The following YEATS4 variants were observed in gnomAD, a reference collection of about 807,000 sequenced individuals.
The protein encoded by YEATS4 is YEATS domain-containing protein 4.
Under a neutral mutation model 30.1 loss-of-function variants are expected in YEATS4, and 17 were observed. That is an observed-to-expected ratio of 0.56 (90% CI 0.39 to 0.85). The LOEUF (loss-of-function observed/expected upper bound fraction) is 0.85. Among genes scored for constraint, YEATS4 ranks in the 40% least tolerant of loss-of-function variants. The pLI is 0.00. For missense variants in YEATS4, 142 were observed against 268.3 expected (o/e 0.53, Z 3.29); for synonymous variants, 85 against 87.5 (o/e 0.97, Z 0.16).
intron 6 of YEATS4, among the ~76,000 whole-genome samples, chr12:69,372,500 G>T (rs953234780): frequency 1.4e-5 from 2 of 146,816 alleles, no homozygotes; most frequent in Non-Finnish European, 3.0e-5. Context: ...CTACCCTCTG[G>T]TAACCGTCAT....
chr12:69,365,682 AT>A lies in YEATS4; in HGVS notation c.222del (p.Tyr74Ter). 6.2e-7 allele frequency: 1 copy of A among 1,612,000 alleles called. No homozygotes were observed. Among genetic ancestry groups the A allele is most frequent in the Non-Finnish European group, 8.5e-7 (1 of 1,178,494 alleles). ...ATCCAGTTTAAATTACATGAAAGCT[AT>A]GGCAATCCTTTAAGAGGTACAATAT... ...KKIQFKLHES[Y>X]GNPLRVVTKP... On this transcript the variant is annotated frameshift_variant, in exon 3 of 7. Coordinates refer to ENST00000247843, the MANE Select transcript of YEATS4 (RefSeq NM_006530.4). LOFTEE classifies it high-confidence loss of function.
At chr12:69,398,130 A>G in the YEATS4 span, among the ~76,000 whole-genome samples, 1 of 152,164 alleles carries the variant, frequency 6.6e-6, no homozygotes, top group Non-Finnish European at 1.5e-5. Flanking sequence ...TCCCCATAAG[A>G]TTAGGAAAAA....
At chr12:69,419,667 G>A in the YEATS4 span, among the ~76,000 whole-genome samples, 1 of 152,214 alleles carries the variant, frequency 6.6e-6, no homozygotes, top group Admixed American at 6.5e-5. Flanking sequence ...TTGAAGGAAA[G>A]AAAGTCATGT....
chr12:69,370,988 C>T lies in YEATS4; in HGVS notation c.514+13C>T. 1.9e-6 allele frequency: 3 copies of T among 1,599,144 alleles called. No individual in the cohort carries two copies. The highest frequency in any genetic ancestry group is 2.6e-6 in the Non-Finnish European group (3 of 1,173,550). On this transcript the variant is annotated intron_variant, in intron 6 of 6. Transcript: ENST00000247843. Reference sequence around the variant, plus strand: ...CATGAAACAGAATGTAAGTGCCATGCATTCATAATTCTGAAAAATAACGTA... The same window carrying T: ...CATGAAACAGAATGTAAGTGCCATGTATTCATAATTCTGAAAAATAACGTA...
At chr12:69,378,454 C>T (rs1187019898) in intron 6 of YEATS4, among the ~76,000 whole-genome samples, 1 of 152,036 alleles carries the variant, frequency 6.6e-6, no homozygotes, top group African/African-American at 2.4e-5. Context: ...TTTCTTCTTT[C>T]CTTCCTTCCT....
chr12:69,406,345 T>C, the YEATS4 span, among the ~76,000 whole-genome samples: 9 of 152,198 alleles, frequency 5.9e-5, no homozygotes, highest in Non-Finnish European at 8.8e-5. Flanking sequence ...TTTGTTTTTT[T>C]GAAACAAAGT....
At chr12:69,394,903 A>G (rs1868340096), downstream of YEATS4, among the ~76,000 whole-genome samples, 1 of 152,320 alleles carries the variant, frequency 6.6e-6, no homozygotes, top group Admixed American at 6.5e-5. Context: ...ATCATTTTTT[A>G]TCTGAAATTC....
intron 6 of YEATS4, among the ~76,000 whole-genome samples, chr12:69,376,222 C>G (rs1036027865): frequency 6.6e-6 from 1 of 152,164 alleles, no homozygotes; most frequent in South Asian, 2.1e-4. Context: ...AAAAATTAAC[C>G]GAGCATGGTG....
At chr12:69,381,778 C>G (rs905241686) in intron 6 of YEATS4, among the ~76,000 whole-genome samples, 1 of 152,214 alleles carries the variant, frequency 6.6e-6, no homozygotes. Context: ...CGCAACATCT[C>G]TCCCTTTCTT....
At chr12:69,406,421 T>C in the YEATS4 span, among the ~76,000 whole-genome samples, 47 of 152,172 alleles carry the variant, frequency 3.1e-4, no homozygotes, top group Non-Finnish European at 5.9e-4. Context: ...TCCACCCCCT[T>C]GGTTCAAGTG....
intron 6 of YEATS4, among the ~76,000 whole-genome samples, chr12:69,374,689 G>C (rs1875775045): frequency 6.6e-6 from 1 of 151,064 alleles, no homozygotes; most frequent in Admixed American, 6.6e-5. Flanking sequence ...GAGAGCACGG[G>C]GTTGGGGGTA....
chr12:69,371,031 G>T (rs1875618118), intron 6 of YEATS4, 56 bp downstream of exon 6: 3 of 1,533,784 alleles, frequency 2.0e-6, no homozygotes, highest in African/African-American at 2.8e-5. Context: ...ATAGTGAAAG[G>T]GTTGTATGAT....
At chr12:69,397,918 G>C in the YEATS4 span, among the ~76,000 whole-genome samples, 3 of 152,070 alleles carry the variant, frequency 2.0e-5, no homozygotes, top group Non-Finnish European at 4.4e-5. Flanking sequence ...AGTTTGTTAT[G>C]GCAGCCTTAA....
chr12:69,388,064 T>TTTTTTTA (rs1868273230), intron 6 of YEATS4, among the ~76,000 whole-genome samples: 2 of 14,684 alleles, frequency 1.4e-4, no homozygotes, highest in Non-Finnish European at 3.1e-4. Flanking sequence ...TTTATTTTTA[T>TTTTTTTA]TTTTTTTTTT....
At chr12:69,413,573 T>C in the YEATS4 span, among the ~76,000 whole-genome samples, 6,234 of 130,574 alleles carry the variant, frequency 0.048, 184 homozygotes, top group Middle Eastern at 0.072. Flanking sequence ...GATATGAGGC[T>C]GGGCACAGTG....
At position 69,362,817 on chromosome 12, in the gene YEATS4, CGGTAAT is replaced by C; in HGVS notation, c.83_88del (p.Gly28_Asn29del). On this transcript the variant is annotated inframe_deletion, in exon 2 of 7. Transcript: ENST00000247843. The stretch of plus-strand genomic sequence containing the variant: ...TTACTATCGTTAAACCAATAGTTTA[CGGTAAT>C]GTTGCTCGGTATTTTGGAAAGAAAA... 6.2e-7 allele frequency: 1 copy of C among 1,610,328 alleles called. No individual in the cohort carries two copies.
At chr12:69,396,159 T>A in the YEATS4 span, among the ~76,000 whole-genome samples, 6 of 152,238 alleles carry the variant, frequency 3.9e-5, no homozygotes, top group Non-Finnish European at 8.8e-5. Flanking sequence ...CATTGCTCTT[T>A]AGTAATTCCT....
chr12:69,403,626 A>G, the YEATS4 span, among the ~76,000 whole-genome samples: 1 of 152,010 alleles, frequency 6.6e-6, no homozygotes, highest in South Asian at 2.1e-4. Context: ...CAGAACCATG[A>G]CATACAAGCA....
At chr12:69,407,182 G>C in the YEATS4 span, among the ~76,000 whole-genome samples, 1 of 150,864 alleles carries the variant, frequency 6.6e-6, no homozygotes, top group Non-Finnish European at 1.5e-5. Flanking sequence ...TTGAGAATAG[G>C]AACGGCTCAA....
Sources: gnomAD v4.1 joint callset for allele counts (sites outside exome capture counted in the v4.1 genomes callset) on GRCh38, gnomAD v4.1.1 for gene constraint, MANE v1.5 for transcripts, NCBI Gene and HGNC (gene_info 2026-07-23, HGNC 2026-07-21) for gene names.